The following PHF5A variants were observed in gnomAD, a reference collection of about 807,000 sequenced individuals.
The protein encoded by PHF5A is PHD finger-like domain-containing protein 5A.
For missense variants in PHF5A, 24 were observed against 140.6 expected, an observed-to-expected ratio of 0.17 and a Z score of 4.19; for synonymous variants, 52 against 46.0, an observed-to-expected ratio of 1.13 and a Z score of -0.52.
intron 1 of PHF5A, 162 bp from the exon 2 acceptor site, chr22:41,468,309 T>C: frequency 1.4e-6 from 1 of 693,602 alleles, no homozygotes; most frequent in Admixed American, 2.6e-5. Flanking sequence ...GAACCAAACC[T>C]ACATCCAAGC....
At chr22:41,463,837 TGAGCCGA>T (rs2037845846) in intron 3 of PHF5A, among the ~76,000 whole-genome samples, 1 of 150,812 alleles carries the variant, frequency 6.6e-6, no homozygotes, top group South Asian at 2.1e-4. Context: ...GAGATTGTAA[TGAGCCGA>T]GATCGTGCCA....
chr22:41,465,386 C>G lies in PHF5A; in HGVS notation c.243+2062G>C, dbSNP rs148409020. Reference sequence around the variant, plus strand: ...CCATGTTGGCCAGGCTGCTCTCAAACTCCTGACCTCAGGTGATCCACCTGC... The same window carrying G: ...CCATGTTGGCCAGGCTGCTCTCAAAGTCCTGACCTCAGGTGATCCACCTGC... On this transcript the variant is annotated intron_variant, in intron 3 of 3. Coordinates refer to ENST00000216252, the MANE Select transcript of PHF5A (RefSeq NM_032758.4). 2.6e-3 allele frequency among the ~76,000 whole-genome samples: 401 copies of G among 151,664 alleles called. 16 individuals carry two copies. The East Asian group carries it at 0.074, about 28-fold the overall frequency.
chr22:41,467,571 G>A lies in PHF5A; in HGVS notation c.120C>T (p.Cys40=). ...ACTCATCACATATGCGCACCAGAGTGCAGGGACGCACATAGGAGTCACAAA... is the reference window on the plus strand; with the variant it reads ...ACTCATCACATATGCGCACCAGAGTACAGGGACGCACATAGGAGTCACAAA... The part of the protein sequence containing the change: ...CVICDSYVRP[C]TLVRICDECN... The change falls in exon 3 of 4, where the codon TGC becomes TGT. Residue 40 remains cysteine, a synonymous_variant. Transcript: ENST00000216252. The A allele has an allele frequency of 6.2e-7, 1 of 1,614,184 alleles. No individual in the cohort carries two copies. The highest frequency in any genetic ancestry group is 1.3e-5 in the African/African-American group (1 of 75,062).
intron 3 of PHF5A, among the ~76,000 whole-genome samples, chr22:41,466,832 A>G (rs922973244): frequency 2.6e-5 from 4 of 151,946 alleles, no homozygotes; most frequent in Non-Finnish European, 5.9e-5. Context: ...CTCTACAAAA[A>G]AAATTTAGCC....
In PHF5A at chr22:41,467,925, G is replaced by A. The variant is rs371584503; in HGVS notation, c.76+199C>T. 36 of 632,218 alleles carry A rather than the reference G, an allele frequency of 5.7e-5. No individual in the cohort carries two copies. In the East Asian group the frequency reaches 7.4e-4, roughly 13 times the overall value. 39.2% of individuals were successfully genotyped at this position (632,218 alleles called of 1,614,324 possible). On this transcript the variant is annotated intron_variant, in intron 2 of 3. Transcript: ENST00000216252. The stretch of plus-strand genomic sequence containing the variant: ...TCATGCTACTCTGGCGATTCTTCCC[G>A]TTGAAAACTAGAGAGATACAGCGTT...
chr22:41,465,195 G>C (rs2037856454), intron 3 of PHF5A, among the ~76,000 whole-genome samples: 1 of 151,670 alleles, frequency 6.6e-6, no homozygotes, highest in South Asian at 2.1e-4. Context: ...TTTTTGAGAA[G>C]GAATTTCGCT....
At position 41,460,249 on chromosome 22, in the gene PHF5A, G is replaced by C; in HGVS notation, c.*149C>G. The C allele has an allele frequency of 1.7e-6, 1 of 599,204 alleles. No homozygotes were observed. The allele number at this position is 599,204 out of a possible 1,614,324, so 37.1% of individuals were successfully genotyped here. A position where few individuals can be genotyped will look rare whatever the true frequency, so the allele number is the denominator to read the frequency against. ...ATCCCTACCACGTGTCTGGGTGAAG[G>C]GAGAGGAGGGGGTGGCAAGCTGCCA... On this transcript the variant is annotated 3_prime_UTR_variant, in exon 4 of 4. Coordinates refer to ENST00000216252, the MANE Select transcript of PHF5A (RefSeq NM_032758.4).
At chr22:41,463,818 T>C (rs1013663474) in intron 3 of PHF5A, among the ~76,000 whole-genome samples, 28 of 148,806 alleles carry the variant, frequency 1.9e-4, no homozygotes, top group African/African-American at 7.0e-4. Flanking sequence ...CGCTTGAACC[T>C]GGGAGGCGGA....
chr22:41,468,476 C>T (rs1375433782), intron 1 of PHF5A, 126 bp downstream of exon 1: 5 of 1,140,892 alleles, frequency 4.4e-6, no homozygotes, highest in Non-Finnish European at 5.2e-6. Context: ...TACAACACCC[C>T]GCGCCTGAGA....
Position 41,468,686 on chromosome 22 carries a change from G to C in PHF5A, c.-33C>G. The C allele has an allele frequency of 6.2e-7, 1 of 1,606,484 alleles. No homozygotes were observed. Among genetic ancestry groups the C allele is most frequent in the African/African-American group, 1.3e-5 (1 of 74,862 alleles). On this transcript the variant is annotated 5_prime_UTR_variant, in exon 1 of 4. Transcript: ENST00000216252. ...AACTAAGCCGGCCACCGGAAGCTTC[G>C]GGAACTTCCGTCCGACCTTTAACCC...
chr22:41,460,278 C>T lies in PHF5A; in HGVS notation c.*120G>A. On this transcript the variant is annotated 3_prime_UTR_variant, in exon 4 of 4. Transcript: ENST00000216252. ...AGGAGGGGGTGGCAAGCTGCCAGTA[C>T]ACTAGCAGGCACTCCTGGTGATGCT... 4 of 738,584 alleles carry T rather than the reference C, an allele frequency of 5.4e-6. No individual in the cohort carries two copies. The highest frequency in any genetic ancestry group is 2.3e-5 in the Admixed American group (1 of 42,910). The allele number at this position is 738,584 out of a possible 1,614,324, so 45.8% of individuals were successfully genotyped here. A position where few individuals can be genotyped will look rare whatever the true frequency, so the allele number is the denominator to read the frequency against.
intron 2 of PHF5A, chr22:41,467,890 T>C: frequency 1.6e-6 from 1 of 609,758 alleles, no homozygotes; most frequent in Non-Finnish European, 2.9e-6. Flanking sequence ...TGCTGTGTGT[T>C]GGGGAGGGGT....
chr22:41,466,530 G>T (rs73887724), intron 3 of PHF5A, among the ~76,000 whole-genome samples: 1,786 of 152,198 alleles, frequency 0.012, 38 homozygotes, highest in African/African-American at 0.041. Flanking sequence ...AACATGGGCT[G>T]TACAGGACTT....
At position 41,467,441 on chromosome 22, in the gene PHF5A, C is replaced by A; in HGVS notation, c.243+7G>T. On this transcript the variant is annotated splice_region_variant and intron_variant, in intron 3 of 3. Coordinates refer to ENST00000216252, the MANE Select transcript of PHF5A (RefSeq NM_032758.4). Reference sequence around the variant, plus strand: ...AGGAAAGGTCAGATGGAAAGCTGTACACTTACGTCCTTCTCCTGGATGGTG... The same window carrying A: ...AGGAAAGGTCAGATGGAAAGCTGTAAACTTACGTCCTTCTCCTGGATGGTG... 1 of 1,613,374 alleles carries A rather than the reference C, an allele frequency of 6.2e-7. No individual in the cohort carries two copies. The highest frequency in any genetic ancestry group is 1.3e-5 in the African/African-American group (1 of 75,004).
At chr22:41,467,419 A>G (rs202631) in intron 3 of PHF5A, 29 bp downstream of exon 3, 1,247,198 of 1,607,438 alleles carry the variant, frequency 0.78, 489,218 homozygotes, top group East Asian at 0.95. Flanking sequence ...CAAAAGGAGG[A>G]AAGGTCAGAT....
intron 3 of PHF5A, 107 bp downstream of exon 3, chr22:41,467,341 T>C: frequency 9.3e-7 from 1 of 1,080,458 alleles, no homozygotes; most frequent in Middle Eastern, 3.1e-4. Context: ...ATAACCTAGA[T>C]GACTAGATGA....
chr22:41,465,089 G>A (rs1568994776), intron 3 of PHF5A, among the ~76,000 whole-genome samples: 1 of 152,162 alleles, frequency 6.6e-6, no homozygotes, highest in Non-Finnish European at 1.5e-5. Context: ...CAGAGTTGAG[G>A]ACAAGAGAAA....
In PHF5A at chr22:41,460,183, C is replaced by T. The variant is rs2037815775; in HGVS notation, c.*215G>A. On this transcript the variant is annotated 3_prime_UTR_variant, in exon 4 of 4. Transcript: ENST00000216252. ...ATTAACTAATCTATCAAGTTTTCTCCGATATGGTGTGCCAGAGTGCTCTGT... is the reference window on the plus strand; with the variant it reads ...ATTAACTAATCTATCAAGTTTTCTCTGATATGGTGTGCCAGAGTGCTCTGT... The T allele has an allele frequency of 1.2e-5, 5 of 419,676 alleles. No homozygotes were observed. The highest frequency in any genetic ancestry group is 1.0e-4 in the East Asian group (3 of 29,008). 26.0% of individuals were successfully genotyped at this position (419,676 alleles called of 1,614,324 possible). A position where few individuals can be genotyped will look rare whatever the true frequency, so the allele number is the denominator to read the frequency against.
intron 1 of PHF5A, 54 bp downstream of exon 1, chr22:41,468,548 C>T (rs34340787): frequency 2.7e-4 from 432 of 1,595,862 alleles, no homozygotes; most frequent in Non-Finnish European, 3.5e-4. Flanking sequence ...CCCCGACCCC[C>T]CAGCTCCTAA....
Sources: gnomAD v4.1 joint callset for allele counts (sites outside exome capture counted in the v4.1 genomes callset) on GRCh38, gnomAD v4.1.1 for gene constraint, MANE v1.5 for transcripts, NCBI Gene and HGNC (gene_info 2026-07-23, HGNC 2026-07-21) for gene names.